TLE1: variants seen among roughly 807,000 people sequenced by gnomAD.
The protein encoded by TLE1 is TLE family member 1, transcriptional corepressor, also known as transducin-like enhancer protein 1.
In TLE1, 21 loss-of-function variants were observed where a neutral mutation model predicts 89.8. That is an observed-to-expected ratio of 0.23 (90% CI 0.17 to 0.34). The LOEUF is 0.34. TLE1 is among the 10% of genes least tolerant of loss of function. The pLI is 1.00. For missense variants in TLE1, 795 were observed against 1,031.2 expected (o/e 0.77, Z 3.14); for synonymous variants, 447 against 407.6 (o/e 1.10, Z -1.16).
In TLE1 at chr9:81,611,611, G is replaced by A. The variant is rs574654303; in HGVS notation, c.1254+158C>T. The A allele has an allele frequency of 2.1e-4, 65 of 304,658 alleles. No homozygotes were observed. In the Admixed American group the frequency reaches 3.6e-3, roughly 17 times the overall value. 18.9% of individuals were successfully genotyped at this position (304,658 alleles called of 1,614,324 possible). On this transcript the variant is annotated intron_variant, in intron 13 of 19. Transcript: ENST00000376499. ...ATGAAAGCTGACAAGAGGAAGGTGA[G>A]TGTGTGGCTGGGAGACTGGGCGTCT... is the stretch of plus-strand genomic sequence containing the variant.
chr9:81,680,497 A>G (rs1475463279), intron 4 of TLE1, among the ~76,000 whole-genome samples: 1 of 152,186 alleles, frequency 6.6e-6, no homozygotes, highest in Non-Finnish European at 1.5e-5. Context: ...ATTGATCATG[A>G]TAACTATGTT....
chr9:81,584,348 G>C, intron 19 of TLE1, 43 bp from the exon 20 acceptor site: 1 of 1,608,250 alleles, frequency 6.2e-7, no homozygotes, highest in African/African-American at 1.3e-5. Context: ...GTGGAACAAC[G>C]GTACTCAGAG....
chr9:81,606,581 A>G (rs1327418575), intron 14 of TLE1, among the ~76,000 whole-genome samples: 1 of 152,116 alleles, frequency 6.6e-6, no homozygotes, highest in Non-Finnish European at 1.5e-5. Flanking sequence ...GAACAATGAG[A>G]ACACTTGGAC....
At chr9:81,684,206 A>T (rs962243464) in intron 4 of TLE1, among the ~76,000 whole-genome samples, 1 of 152,174 alleles carries the variant, frequency 6.6e-6, no homozygotes, top group Non-Finnish European at 1.5e-5. Flanking sequence ...AATTCACTTA[A>T]ATGACGATAG....
At chr9:81,646,209 T>C (rs11999426) in intron 6 of TLE1, among the ~76,000 whole-genome samples, 54,087 of 152,116 alleles carry the variant, frequency 0.36, 9,769 homozygotes, top group Middle Eastern at 0.41. Context: ...CAAAGCATGA[T>C]GACAATAATC....
chr9:81,617,559 G>C (rs189726903), intron 9 of TLE1, among the ~76,000 whole-genome samples: 1 of 151,954 alleles, frequency 6.6e-6, no homozygotes, highest in East Asian at 1.9e-4. Flanking sequence ...AAAATTAGCC[G>C]GGCGTGGTGG....
At chr9:81,605,904 C>CA in intron 14 of TLE1, among the ~76,000 whole-genome samples, 1 of 151,276 alleles carries the variant, frequency 6.6e-6, no homozygotes, top group Non-Finnish European at 1.5e-5. Context: ...CCAGAATCTA[C>CA]AAAGAACTTA....
At chr9:81,646,535 T>C (rs1828885030) in intron 6 of TLE1, among the ~76,000 whole-genome samples, 2 of 152,242 alleles carry the variant, frequency 1.3e-5, no homozygotes, top group African/African-American at 4.8e-5. Context: ...TACTGATGGC[T>C]TTCCAGGGAT....
At chr9:81,587,506 A>G (rs1828683527) in intron 17 of TLE1, among the ~76,000 whole-genome samples, 175 bp downstream of exon 17, 1 of 152,122 alleles carries the variant, frequency 6.6e-6, no homozygotes, top group Admixed American at 6.5e-5. Flanking sequence ...AGGTAGGGGG[A>G]GGGTCGTGAA....
At position 81,610,291 on chromosome 9, in the gene TLE1, C is replaced by A; in HGVS notation, c.1260G>T (p.Gly420=). 1 of 1,613,772 alleles carries A rather than the reference C, an allele frequency of 6.2e-7. No homozygotes were observed. Among genetic ancestry groups the A allele is most frequent in the Non-Finnish European group, 8.5e-7 (1 of 1,179,914 alleles). The part of the protein sequence containing the change: ...VVAYGRSPMV[G]FDPPPHMRVP... The stretch of plus-strand genomic sequence containing the variant: ...CTCTCATGTGAGGGGGAGGATCAAA[C>A]CCCACCTGGAAACAAAAATAAGGCA... The change falls in exon 14 of 20, where the codon GGG becomes GGT. Residue 420 remains glycine (G), a synonymous_variant. Transcript: ENST00000376499.
At chr9:81,687,461 AG>A in intron 1 of TLE1, 27 bp from the exon 2 acceptor site, 1 of 1,571,622 alleles carries the variant, frequency 6.4e-7, no homozygotes, top group Non-Finnish European at 8.7e-7. Flanking sequence ...AGGGGGACCG[AG>A]GGACGGGAAT....
intron 9 of TLE1, 108 bp from the exon 10 acceptor site, chr9:81,616,807 C>A: frequency 8.1e-7 from 1 of 1,236,864 alleles, no homozygotes; most frequent in Non-Finnish European, 1.2e-6. Context: ...AAAAAAACTA[C>A]CTGGGACAGG....
At chr9:81,634,009 T>G in intron 7 of TLE1, 88 bp downstream of exon 7, 1 of 1,386,958 alleles carries the variant, frequency 7.2e-7, no homozygotes, top group Non-Finnish European at 9.7e-7. Context: ...TCTGTATAGG[T>G]TGGGGCTCTC....
intron 6 of TLE1, among the ~76,000 whole-genome samples, chr9:81,647,033 G>T (rs1005331004): frequency 1.2e-4 from 18 of 149,502 alleles, no homozygotes; most frequent in East Asian, 2.0e-4. Flanking sequence ...GAATTTCATG[G>T]TTTTTTTTTT....
chr9:81,617,133 C>CAAAA (rs56692367), intron 9 of TLE1, among the ~76,000 whole-genome samples: 1 of 124,188 alleles, frequency 8.1e-6, no homozygotes, highest in Non-Finnish European at 1.8e-5. Flanking sequence ...CTAGTTAATG[C>CAAAA]AAAAAAAAAA....
chr9:81,615,712 CAAAAAA>C (rs371090700), intron 11 of TLE1, among the ~76,000 whole-genome samples: 1 of 97,968 alleles, frequency 1.0e-5, no homozygotes, highest in Admixed American at 1.1e-4. Flanking sequence ...GACTCCGTCT[CAAAAAA>C]AAAAAAAAAA....
Position 81,688,991 on chromosome 9 carries a change from C to CG in TLE1, c.-752dup, listed in dbSNP as rs1228221195. The CG allele has an allele frequency of 6.6e-6, 1 of 152,002 alleles. No individual in the cohort carries two copies. The highest frequency in any genetic ancestry group is 1.5e-5 in the Non-Finnish European group (1 of 68,050). 9.4% of individuals were successfully genotyped at this position (152,002 alleles called of 1,614,324 possible). Reference sequence around the variant, plus strand: ...GTTCTCCGCGGTTGCACAAACCCTCCGGGCCCGACGGGGCTACTCCACCGA... The same window carrying CG: ...GTTCTCCGCGGTTGCACAAACCCTCCGGGGCCCGACGGGGCTACTCCACCGA... On this transcript the variant is annotated 5_prime_UTR_variant, in exon 1 of 20. Coordinates refer to ENST00000376499, the MANE Select transcript of TLE1 (RefSeq NM_005077.5).
At chr9:81,585,732 G>T in intron 17 of TLE1, 77 bp from the exon 18 acceptor site, 1 of 1,543,118 alleles carries the variant, frequency 6.5e-7, no homozygotes, top group Non-Finnish European at 8.8e-7. Flanking sequence ...TGAAAAGTGG[G>T]GAAATAGCAA....
chr9:81,671,766 G>A (rs970823868), intron 4 of TLE1, among the ~76,000 whole-genome samples: 7 of 152,078 alleles, frequency 4.6e-5, no homozygotes, highest in South Asian at 2.1e-4. Context: ...TAGGGTAGTC[G>A]ATTATAAAAT....
Sources: allele counts gnomAD v4.1 joint callset (sites outside exome capture counted in the v4.1 genomes callset), GRCh38; gene constraint gnomAD v4.1.1; transcripts MANE v1.5; gene names NCBI Gene and HGNC (gene_info 2026-07-23, HGNC 2026-07-21).